The following RAB31 variants were observed in gnomAD, a reference collection of about 807,000 sequenced individuals.
RAB31 encodes the protein ras-related protein Rab-31.
RAB31 carries 21 observed loss-of-function variants against 25.6 expected under a neutral mutation model. That is an observed-to-expected ratio of 0.82 (90% CI 0.58 to 1.18). The LOEUF (loss-of-function observed/expected upper bound fraction) is 1.18. Among genes scored for constraint, RAB31 ranks in the 50% most tolerant of loss-of-function variants. The probability of loss-of-function intolerance (pLI) is 0.00; values close to 1 mark genes in which losing one functional copy is unlikely to be tolerated. For synonymous variants in RAB31, 87 were observed against 84.0 expected (o/e 1.04, Z -0.20); for missense variants, 196 against 250.1 (o/e 0.78, Z 1.46).
Position 9,860,888 on chromosome 18 carries a change from G to GTGTT in RAB31, c.*1564_*1567dup, listed in dbSNP as rs2068843950. ...CTCAACTTAAGAGAGTTCATTGACAGTGTTAGGATGTGAAGGCTGGGAAAC... is the reference window on the plus strand; with the variant it reads ...CTCAACTTAAGAGAGTTCATTGACAGTGTTTGTTAGGATGTGAAGGCTGGGAAAC... On this transcript the variant is annotated 3_prime_UTR_variant, in exon 7 of 7. Transcript: ENST00000578921. The GTGTT allele has an allele frequency of 6.6e-6, 1 of 152,344 alleles. No homozygotes were observed. Among genetic ancestry groups the GTGTT allele is most frequent in the Non-Finnish European group, 1.5e-5 (1 of 68,036 alleles). 9.4% of individuals were successfully genotyped at this position (152,344 alleles called of 1,614,324 possible).
Position 9,861,089 on chromosome 18 carries a change from C to T in RAB31, c.*1764C>T, listed in dbSNP as rs2068844908. On this transcript the variant is annotated 3_prime_UTR_variant, in exon 7 of 7. Transcript: ENST00000578921. The stretch of plus-strand genomic sequence containing the variant: ...GCTTGCAGGCCAAGAAATGATCATA[C>T]CCCTTGCCAAAGGTAAAAAAAAAAA... The T allele has an allele frequency of 2.0e-5, 3 of 149,224 alleles. No individual in the cohort carries two copies. The South Asian group carries it at 6.3e-4, about 31-fold the overall frequency. The allele number at this position is 149,224 out of a possible 1,614,324, so 9.2% of individuals were successfully genotyped here.
intron 3 of RAB31, among the ~76,000 whole-genome samples, chr18:9,803,137 A>G (rs2068522154): frequency 6.6e-6 from 1 of 152,086 alleles, no homozygotes; most frequent in Non-Finnish European, 1.5e-5. Flanking sequence ...ACGTTTTTGT[A>G]GGCATTCCTC....
intron 1 of RAB31, among the ~76,000 whole-genome samples, chr18:9,773,132 C>T (rs771386123): frequency 2.6e-5 from 4 of 152,084 alleles, no homozygotes; most frequent in African/African-American, 4.8e-5. Flanking sequence ...CCTTGGGAGG[C>T]GAGACCTTCT....
chr18:9,725,524 T>C (rs970942375), intron 1 of RAB31, among the ~76,000 whole-genome samples: 9 of 152,360 alleles, frequency 5.9e-5, no homozygotes, highest in South Asian at 4.1e-4. Context: ...TAAATCCCAA[T>C]GCACATAATA....
chr18:9,803,479 A>G (rs17804174), intron 3 of RAB31, among the ~76,000 whole-genome samples: 32,858 of 152,064 alleles, frequency 0.22, 3,744 homozygotes, highest in South Asian at 0.31. Context: ...CTTTCTACCA[A>G]TGCAAACTGA....
At chr18:9,854,641 C>G (rs996971965) in intron 6 of RAB31, among the ~76,000 whole-genome samples, 6 of 152,138 alleles carry the variant, frequency 3.9e-5, no homozygotes, top group African/African-American at 1.4e-4. Context: ...TCCTAATATT[C>G]AGGGCCTTCT....
In RAB31 at chr18:9,860,747, A is replaced by G. The variant is rs1218545554; in HGVS notation, c.*1422A>G. On this transcript the variant is annotated 3_prime_UTR_variant, in exon 7 of 7. Coordinates refer to ENST00000578921, the MANE Select transcript of RAB31 (RefSeq NM_006868.4). ...AGCTGGTACCTTCTTTGCCATGAGC[A>G]TTCAAGGGACGGCTAACCTTTATTG... 6.6e-6 allele frequency: 1 copy of G among 152,228 alleles called. No individual in the cohort carries two copies. The highest frequency in any genetic ancestry group is 6.5e-5 in the Admixed American group (1 of 15,288). The allele number at this position is 152,228 out of a possible 1,614,324, so 9.4% of individuals were successfully genotyped here.
intron 1 of RAB31, among the ~76,000 whole-genome samples, chr18:9,735,962 G>A (rs983456486): frequency 6.6e-6 from 1 of 152,082 alleles, no homozygotes; most frequent in Non-Finnish European, 1.5e-5. Context: ...TCATCCTCCT[G>A]AGTAGGTGGG....
intron 2 of RAB31, among the ~76,000 whole-genome samples, chr18:9,782,162 G>A (rs1281425325): frequency 2.0e-5 from 3 of 152,318 alleles, no homozygotes; most frequent in Non-Finnish European, 4.4e-5. Context: ...CAGTATAAAC[G>A]TTCACACCTA....
At chr18:9,818,540 T>A (rs2068610569) in intron 5 of RAB31, among the ~76,000 whole-genome samples, 1 of 152,246 alleles carries the variant, frequency 6.6e-6, no homozygotes, top group African/African-American at 2.4e-5. Flanking sequence ...TATGGCTGAA[T>A]AATATTTCAT....
In RAB31 at chr18:9,815,076, G is replaced by A. The variant is rs202167579; in HGVS notation, c.274-40G>A. 4,280 of 1,346,446 alleles carry A rather than the reference G, an allele frequency of 3.2e-3. 16 individuals carry two copies. The highest frequency in any genetic ancestry group is 4.1e-3 in the Non-Finnish European group (3,983 of 962,562). The allele number at this position is 1,346,446 out of a possible 1,614,324, so 83.4% of individuals were successfully genotyped here. On this transcript the variant is annotated intron_variant, in intron 4 of 6. Transcript: ENST00000578921. ...TTCTGCTTAGTTGAAATATTATATTGAGGGGTCTTTCTAATGATTTGTGTA... is the reference window on the plus strand; with the variant it reads ...TTCTGCTTAGTTGAAATATTATATTAAGGGGTCTTTCTAATGATTTGTGTA...
At chr18:9,792,703 C>T (rs1213440688) in intron 3 of RAB31, among the ~76,000 whole-genome samples, 8 of 152,170 alleles carry the variant, frequency 5.3e-5, no homozygotes, top group Non-Finnish European at 1.2e-4. Context: ...CCTTAGGCCC[C>T]ATGCCCACTC....
rs146551648 is a variant in RAB31 at position 9,729,657 on chromosome 18, A to T, written c.39+21213A>T. Among the ~76,000 whole-genome samples the T allele has an allele frequency of 3.5e-3, 362 of 102,542 alleles. 1 individual carries two copies. The highest frequency in any genetic ancestry group is 0.013 in the African/African-American group (338 of 26,496). The allele number at this position is 102,542 out of a possible 152,430, so 67.3% of individuals were successfully genotyped here. A position where few individuals can be genotyped will look rare whatever the true frequency, so the allele number is the denominator to read the frequency against. ...CTAGGGATTTAGTCTCCCCTCCCCC[A>T]CCCCCCTCTAAATGCCTAGCTGGTT... On this transcript the variant is annotated intron_variant, in intron 1 of 6. Transcript: ENST00000578921.
intron 2 of RAB31, among the ~76,000 whole-genome samples, chr18:9,788,502 A>C (rs542942343): frequency 6.6e-6 from 1 of 152,356 alleles, no homozygotes; most frequent in South Asian, 2.1e-4. Flanking sequence ...GAGGTTTCTC[A>C]ACAAAGCTAA....
rs2068836598 is a variant in RAB31 at position 9,859,488 on chromosome 18, T to C, written c.*163T>C. ...CAGGGGGCGGGGCAGGAAATGTACC[T>C]GAAAAGGATTTTAGAAAACCCTGGG... On this transcript the variant is annotated 3_prime_UTR_variant, in exon 7 of 7. Transcript: ENST00000578921. 5.7e-6 allele frequency: 3 copies of C among 525,946 alleles called. No individual in the cohort carries two copies. The highest frequency in any genetic ancestry group is 6.5e-6 in the Non-Finnish European group (2 of 308,608). The allele number at this position is 525,946 out of a possible 1,614,324, so 32.6% of individuals were successfully genotyped here.
intron 1 of RAB31, among the ~76,000 whole-genome samples, chr18:9,743,101 C>T (rs533370864): frequency 7.9e-5 from 12 of 152,266 alleles, no homozygotes; most frequent in Admixed American, 3.9e-4. Flanking sequence ...TGAGGACATG[C>T]GGCAAAGCTT....
intron 6 of RAB31, among the ~76,000 whole-genome samples, chr18:9,857,711 G>C (rs1369703353): frequency 6.6e-6 from 1 of 151,064 alleles, no homozygotes; most frequent in Non-Finnish European, 1.5e-5. Flanking sequence ...TAGATAGATA[G>C]ATAGATAGAT....
chr18:9,711,912 C>T (rs758003357), intron 1 of RAB31, among the ~76,000 whole-genome samples: 3 of 152,186 alleles, frequency 2.0e-5, no homozygotes, highest in Non-Finnish European at 2.9e-5. Context: ...GGACATGCTT[C>T]GCATTTAAGG....
At chr18:9,740,196 C>G (rs185166383) in intron 1 of RAB31, among the ~76,000 whole-genome samples, 1 of 152,314 alleles carries the variant, frequency 6.6e-6, no homozygotes, top group African/African-American at 2.4e-5. Context: ...GTCATTGTAA[C>G]AAGTATTTTG....
Sources: allele counts gnomAD v4.1 joint callset (sites outside exome capture counted in the v4.1 genomes callset), GRCh38; gene constraint gnomAD v4.1.1; transcripts MANE v1.5; gene names NCBI Gene and HGNC (gene_info 2026-07-23, HGNC 2026-07-21).